The following INPP4B variants were observed in gnomAD, a reference collection of about 807,000 sequenced individuals.
INPP4B encodes the protein inositol polyphosphate-4-phosphatase type II B.
INPP4B carries 55 observed loss-of-function variants against 122.5 expected under a neutral mutation model. The observed-to-expected ratio is 0.45, with a 90% confidence interval of 0.36 to 0.56. The LOEUF is 0.56. Among genes scored for constraint, INPP4B ranks in the 20% least tolerant of loss-of-function variants. The pLI is 0.00. For synonymous variants in INPP4B, 403 were observed against 388.7 expected (o/e 1.04, Z -0.43); for missense variants, 1,000 against 1,097.7 (o/e 0.91, Z 1.26).
intron 2 of INPP4B, among the ~76,000 whole-genome samples, chr4:142,692,253 C>T (rs1431957424): frequency 6.6e-6 from 1 of 151,810 alleles, no homozygotes; most frequent in Non-Finnish European, 1.5e-5. Context: ...AAATAGATTA[C>T]TAAAACAAAC....
Position 142,123,272 on chromosome 4 carries a change from T to C in INPP4B, c.2017+20A>G, listed in dbSNP as rs771362722. 8.5e-6 allele frequency: 13 copies of C among 1,533,532 alleles called. No individual in the cohort carries two copies. In the South Asian group the frequency reaches 1.7e-4, roughly 20 times the overall value. The allele number at this position is 1,533,532 out of a possible 1,614,324, so 95.0% of individuals were successfully genotyped here. A position where few individuals can be genotyped will look rare whatever the true frequency, so the allele number is the denominator to read the frequency against. ...TCTGAATAGAAATGTGATTTTAACT[T>C]GTACTAAAGCAATACTCACTGTATG... On this transcript the variant is annotated intron_variant, in intron 20 of 25. Coordinates refer to ENST00000262992, the MANE Select transcript of INPP4B (RefSeq NM_001101669.3).
intron 23 of INPP4B, among the ~76,000 whole-genome samples, chr4:142,090,787 T>C (rs1779175456): frequency 6.6e-6 from 1 of 152,000 alleles, no homozygotes; most frequent in Admixed American, 6.6e-5. Flanking sequence ...GTTTATAATT[T>C]TAAATAGCAA....
Position 142,295,650 on chromosome 4 carries a change from C to T in INPP4B, c.503+9808G>A, listed in dbSNP as rs1907112. On this transcript the variant is annotated intron_variant, in intron 9 of 25. Transcript: ENST00000262992. Reference sequence around the variant, plus strand: ...AAATTAATTTAAGAAAAGCTGCAGGCGACATGTGTCCTCTGAGCATCTTCG... The same window carrying T: ...AAATTAATTTAAGAAAAGCTGCAGGTGACATGTGTCCTCTGAGCATCTTCG... Among the ~76,000 whole-genome samples the T allele has an allele frequency of 7.2e-3, 1,095 of 152,092 alleles. 16 individuals are homozygous for T. The highest frequency in any genetic ancestry group is 0.025 in the African/African-American group (1,018 of 41,480).
chr4:142,251,732 CTG>C (rs1212788700), intron 11 of INPP4B, among the ~76,000 whole-genome samples: 1 of 152,154 alleles, frequency 6.6e-6, no homozygotes, highest in Non-Finnish European at 1.5e-5. Flanking sequence ...TTTTGTTTAT[CTG>C]TGTGTATAAA....
At chr4:142,679,043 C>T (rs540558839) in intron 2 of INPP4B, among the ~76,000 whole-genome samples, 14 of 151,664 alleles carry the variant, frequency 9.2e-5, no homozygotes, top group Non-Finnish European at 1.9e-4. Flanking sequence ...AACAGATTCC[C>T]TTTCATCTAC....
At chr4:142,449,648 C>T (rs1048619264) in intron 3 of INPP4B, among the ~76,000 whole-genome samples, 1 of 151,032 alleles carries the variant, frequency 6.6e-6, no homozygotes, top group Admixed American at 6.6e-5. Flanking sequence ...TGCAATGAGT[C>T]GAGATCGTGC....
intron 1 of INPP4B, among the ~76,000 whole-genome samples, chr4:142,769,053 G>A (rs1021651819): frequency 1.3e-5 from 2 of 152,082 alleles, no homozygotes; most frequent in African/African-American, 4.8e-5. Context: ...GAAGAGAAGA[G>A]GTCAAATTTA....
intron 1 of INPP4B, among the ~76,000 whole-genome samples, chr4:142,782,113 C>G (rs1374885631): frequency 6.6e-6 from 1 of 151,982 alleles, no homozygotes; most frequent in Admixed American, 6.6e-5. Flanking sequence ...GGTATATCTC[C>G]TAATGCTATC....
chr4:142,181,004 C>G (rs889473850), intron 15 of INPP4B, among the ~76,000 whole-genome samples: 1 of 152,096 alleles, frequency 6.6e-6, no homozygotes, highest in African/African-American at 2.4e-5. Context: ...CAGGGGTACT[C>G]AAGGTAATCA....
At chr4:142,071,027 A>T (rs1320646659) in intron 25 of INPP4B, among the ~76,000 whole-genome samples, 2 of 152,238 alleles carry the variant, frequency 1.3e-5, no homozygotes, top group Non-Finnish European at 2.9e-5. Flanking sequence ...CTGCATTACC[A>T]AGACAATCTT....
chr4:142,490,198 C>T (rs1320012397), intron 2 of INPP4B, among the ~76,000 whole-genome samples: 1 of 152,030 alleles, frequency 6.6e-6, no homozygotes, highest in Non-Finnish European at 1.5e-5. Context: ...GATGCTCCCA[C>T]CTCAGCCTCC....
chr4:142,195,513 T>C (rs1837808800), intron 14 of INPP4B, among the ~76,000 whole-genome samples: 1 of 152,186 alleles, frequency 6.6e-6, no homozygotes, highest in African/African-American at 2.4e-5. Flanking sequence ...GTTACCTTAA[T>C]TGTGGTGATA....
intron 25 of INPP4B, among the ~76,000 whole-genome samples, chr4:142,064,002 C>T: frequency 6.6e-6 from 1 of 152,132 alleles, no homozygotes; most frequent in Non-Finnish European, 1.5e-5. Context: ...TAACTGACTA[C>T]ATGAATATCA....
At chr4:142,780,666 G>A (rs1227556657) in intron 1 of INPP4B, among the ~76,000 whole-genome samples, 2 of 152,098 alleles carry the variant, frequency 1.3e-5, no homozygotes, top group African/African-American at 4.8e-5. Context: ...AGGCATGGTG[G>A]TGGATACCTG....
intron 3 of INPP4B, among the ~76,000 whole-genome samples, chr4:142,435,577 C>T (rs1810286568): frequency 6.6e-6 from 1 of 152,136 alleles, no homozygotes; most frequent in South Asian, 2.1e-4. Flanking sequence ...GCACCAGCAA[C>T]TGAGGTATCC....
chr4:142,813,640 G>A (rs1779777746), intron 1 of INPP4B, among the ~76,000 whole-genome samples: 1 of 152,058 alleles, frequency 6.6e-6, no homozygotes, highest in Non-Finnish European at 1.5e-5. Flanking sequence ...GCTTTCTCAT[G>A]GCACATATTA....
At chr4:142,789,339 C>A (rs1345503070) in intron 1 of INPP4B, among the ~76,000 whole-genome samples, 1 of 152,030 alleles carries the variant, frequency 6.6e-6, no homozygotes, top group Non-Finnish European at 1.5e-5. Context: ...AAACCATAAA[C>A]ACTCCTCCAG....
At chr4:142,186,112 A>G (rs1051746338) in intron 15 of INPP4B, among the ~76,000 whole-genome samples, 20 of 152,204 alleles carry the variant, frequency 1.3e-4, no homozygotes, top group Non-Finnish European at 2.5e-4. Context: ...CTTAGTTTTC[A>G]GAAAGAATAA....
chr4:142,390,957 T>G (rs1797482987), intron 7 of INPP4B, among the ~76,000 whole-genome samples: 1 of 152,174 alleles, frequency 6.6e-6, no homozygotes, highest in Non-Finnish European at 1.5e-5. Context: ...CAATACAGGT[T>G]TCTAGTAACT....
Sources: allele counts gnomAD v4.1 joint callset (sites outside exome capture counted in the v4.1 genomes callset), GRCh38; gene constraint gnomAD v4.1.1; transcripts MANE v1.5; gene names NCBI Gene and HGNC (gene_info 2026-07-23, HGNC 2026-07-21).